Variants in ENTREP2 observed in about 807,000 individuals in gnomAD.
The protein encoded by ENTREP2 is protein ENTREP2.
the ENTREP2 span, among the ~76,000 whole-genome samples, chr15:29,295,274 G>C: frequency 1.3e-5 from 2 of 152,246 alleles, no homozygotes; most frequent in East Asian, 3.9e-4. Flanking sequence ...TGGGCAGCTG[G>C]AGTGGGAGAA....
the ENTREP2 span, among the ~76,000 whole-genome samples, chr15:29,489,027 T>C: frequency 6.6e-6 from 1 of 152,154 alleles, no homozygotes; most frequent in African/African-American, 2.4e-5. Context: ...GAAAATAATT[T>C]TGGACTTTTA....
chr15:29,655,898 G>A, the ENTREP2 span, among the ~76,000 whole-genome samples: 869 of 151,932 alleles, frequency 5.7e-3, 15 homozygotes, highest in African/African-American at 0.02. Context: ...AGCGGTGCAT[G>A]CCTGTAATCC....
At chr15:29,476,093 A>G in the ENTREP2 span, among the ~76,000 whole-genome samples, 3 of 152,236 alleles carry the variant, frequency 2.0e-5, no homozygotes, top group Non-Finnish European at 4.4e-5. Context: ...ATACACACAT[A>G]TACATTTTAG....
At chr15:29,566,846 T>TACAC in the ENTREP2 span, among the ~76,000 whole-genome samples, 3,400 of 146,130 alleles carry the variant, frequency 0.023, 58 homozygotes, top group African/African-American at 0.042. Flanking sequence ...AAAGGAAAAA[T>TACAC]ACACACACAC....
At chr15:29,305,811 G>A in the ENTREP2 span, among the ~76,000 whole-genome samples, 1 of 152,220 alleles carries the variant, frequency 6.6e-6, no homozygotes, top group African/African-American at 2.4e-5. Flanking sequence ...CAAAAAAGAA[G>A]CTGAACTAAA....
chr15:29,511,346 T>TC, the ENTREP2 span, among the ~76,000 whole-genome samples: 88 of 58,660 alleles, frequency 1.5e-3, 1 homozygote, highest in East Asian at 2.6e-3. Context: ...TTTCTTTTCT[T>TC]TTTTTTTTTT....
chr15:29,381,796 C>T, the ENTREP2 span: 1 of 1,551,558 alleles, frequency 6.4e-7, no homozygotes. Context: ...GAGGCCTCTT[C>T]CAGGAGACGA....
the ENTREP2 span, among the ~76,000 whole-genome samples, chr15:29,435,925 C>T: frequency 2.6e-5 from 4 of 152,026 alleles, no homozygotes; most frequent in African/African-American, 4.8e-5. Context: ...AACATGACAG[C>T]AGAGCACAGG....
At chr15:29,168,884 T>G in the ENTREP2 span, among the ~76,000 whole-genome samples, 1 of 152,230 alleles carries the variant, frequency 6.6e-6, no homozygotes, top group African/African-American at 2.4e-5. Context: ...CCCTATTTGA[T>G]AATTGAAAAC....
the ENTREP2 span, among the ~76,000 whole-genome samples, chr15:29,403,845 G>A: frequency 6.6e-6 from 1 of 152,128 alleles, no homozygotes; most frequent in East Asian, 1.9e-4. Context: ...AAGGGAGCCT[G>A]GTTGCACCCC....
At chr15:29,521,425 C>A in the ENTREP2 span, among the ~76,000 whole-genome samples, 1 of 152,182 alleles carries the variant, frequency 6.6e-6, no homozygotes, top group Admixed American at 6.5e-5. Context: ...ACAGACAATT[C>A]TCCATGAACT....
the ENTREP2 span, among the ~76,000 whole-genome samples, chr15:29,125,419 C>T: frequency 3.5e-4 from 54 of 152,278 alleles, no homozygotes; most frequent in Middle Eastern, 0.01. Flanking sequence ...CCTGGTATTT[C>T]CACCAGGAGG....
At chr15:29,315,864 C>G in the ENTREP2 span, among the ~76,000 whole-genome samples, 3 of 152,154 alleles carry the variant, frequency 2.0e-5, no homozygotes, top group African/African-American at 7.2e-5. Flanking sequence ...CGCGATATCA[C>G]TAAGTTATAA....
chr15:29,391,461 C>A, the ENTREP2 span, among the ~76,000 whole-genome samples: 1 of 152,052 alleles, frequency 6.6e-6, no homozygotes, highest in African/African-American at 2.4e-5. Context: ...TGACAAAGAT[C>A]ACCTCATGAA....
the ENTREP2 span, among the ~76,000 whole-genome samples, chr15:29,519,333 A>T: frequency 6.6e-6 from 1 of 151,884 alleles, no homozygotes; most frequent in Admixed American, 6.6e-5. Flanking sequence ...CATCAAAGTT[A>T]CACTGAGTGT....
At chr15:29,424,141 G>T in the ENTREP2 span, among the ~76,000 whole-genome samples, 1 of 152,292 alleles carries the variant, frequency 6.6e-6, no homozygotes, top group African/African-American at 2.4e-5. Context: ...AACCCTCAAT[G>T]TGAGTTATAG....
the ENTREP2 span, among the ~76,000 whole-genome samples, chr15:29,539,053 T>C: frequency 6.6e-6 from 1 of 152,172 alleles, no homozygotes; most frequent in Non-Finnish European, 1.5e-5. Flanking sequence ...TCAGTCTGGA[T>C]ATGACAAGGG....
chr15:29,360,724 C>T, the ENTREP2 span, among the ~76,000 whole-genome samples: 1 of 152,214 alleles, frequency 6.6e-6, no homozygotes, highest in Non-Finnish European at 1.5e-5. Flanking sequence ...CTCACCCTGA[C>T]AGCTGCCTTG....
At chr15:29,530,496 C>T in the ENTREP2 span, among the ~76,000 whole-genome samples, 1 of 152,316 alleles carries the variant, frequency 6.6e-6, no homozygotes, top group Admixed American at 6.5e-5. Context: ...GTGCCCGGCA[C>T]TGCAACTACC....
Sources: allele counts gnomAD v4.1 joint callset (sites outside exome capture counted in the v4.1 genomes callset), GRCh38; gene constraint gnomAD v4.1.1; transcripts MANE v1.5; gene names NCBI Gene and HGNC (gene_info 2026-07-23, HGNC 2026-07-21).